Variants in GIGYF2 observed in about 807,000 individuals in gnomAD.
GIGYF2 encodes the protein GRB10-interacting GYF protein 2.
Under a neutral mutation model 208.1 loss-of-function variants are expected in GIGYF2, and 25 were observed. The ratio of observed to expected loss-of-function variants is 0.12; its 90% CI spans 0.09 to 0.17. GIGYF2 has a LOEUF of 0.17. Ranked by LOEUF, GIGYF2 falls within the 10% of genes least tolerant of loss-of-function variation. The pLI, the probability that GIGYF2 is intolerant of heterozygous loss-of-function variation, is 1.00. For missense variants in GIGYF2, 1,302 were observed against 1,579.4 expected, an observed-to-expected ratio of 0.82 and a Z score of 2.98; for synonymous variants, 534 against 543.8, an observed-to-expected ratio of 0.98 and a Z score of 0.25.
At chr2:232,743,916 C>T (rs905827522) in intron 3 of GIGYF2, among the ~76,000 whole-genome samples, 12 of 152,150 alleles carry the variant, frequency 7.9e-5, no homozygotes, top group Non-Finnish European at 1.5e-4. Context: ...GCGATCATGG[C>T]TCACTGCAGC....
At chr2:232,791,877 G>T (rs1302430870) in intron 12 of GIGYF2, among the ~76,000 whole-genome samples, 6 of 152,194 alleles carry the variant, frequency 3.9e-5, no homozygotes, top group African/African-American at 1.4e-4. Flanking sequence ...ATGTGAATCT[G>T]TGGCAGAATA....
chr2:232,735,420 CTTAA>C, intron 3 of GIGYF2, 182 bp downstream of exon 3: 1 of 517,534 alleles, frequency 1.9e-6, no homozygotes, highest in Non-Finnish European at 3.4e-6. Context: ...GTATTCTATA[CTTAA>C]TTAAAATTTT....
At chr2:232,855,096 T>C (rs1319297697) in intron 28 of GIGYF2, among the ~76,000 whole-genome samples, 1 of 130,436 alleles carries the variant, frequency 7.7e-6, no homozygotes, top group Non-Finnish European at 1.7e-5. Context: ...TTTTTTTTTT[T>C]TTTTTTTTGA....
intron 21 of GIGYF2, among the ~76,000 whole-genome samples, chr2:232,820,471 T>C (rs1259971554): frequency 6.6e-6 from 1 of 151,648 alleles, no homozygotes; most frequent in African/African-American, 2.4e-5. Context: ...CCTACCACCA[T>C]GCCTGGCTAA....
chr2:232,723,570 C>T (rs1315293820), intron 2 of GIGYF2, among the ~76,000 whole-genome samples: 6 of 149,296 alleles, frequency 4.0e-5, no homozygotes, highest in Non-Finnish European at 5.9e-5. Context: ...GCTGGGAGTA[C>T]AGGTGCACGC....
At chr2:232,808,716 C>T (rs1401636092) in intron 15 of GIGYF2, among the ~76,000 whole-genome samples, 29 of 152,062 alleles carry the variant, frequency 1.9e-4, no homozygotes, top group Admixed American at 1.9e-3. Context: ...CATACTTACA[C>T]TTTTACTTCT....
chr2:232,738,980 G>GT (rs950479698), intron 3 of GIGYF2, among the ~76,000 whole-genome samples: 19 of 152,202 alleles, frequency 1.2e-4, no homozygotes, highest in African/African-American at 4.3e-4. Context: ...GTCTTTTAGA[G>GT]TTTTTTTGTT....
At chr2:232,726,084 G>T (rs1448226348) in intron 2 of GIGYF2, among the ~76,000 whole-genome samples, 2 of 152,104 alleles carry the variant, frequency 1.3e-5, no homozygotes, top group Non-Finnish European at 2.9e-5. Context: ...ATGAGGCTGG[G>T]CGCCGTGGCC....
chr2:232,753,324 A>G (rs572492107), intron 5 of GIGYF2, among the ~76,000 whole-genome samples: 6 of 151,714 alleles, frequency 4.0e-5, no homozygotes, highest in African/African-American at 7.3e-5. Flanking sequence ...GGGTTTCACC[A>G]TGTTGGCCAG....
At chr2:232,713,199 C>T (rs1444399549) in intron 2 of GIGYF2, among the ~76,000 whole-genome samples, 2 of 152,018 alleles carry the variant, frequency 1.3e-5, no homozygotes, top group African/African-American at 4.8e-5. Flanking sequence ...CCTCAGCCTC[C>T]CGAATAGCTG....
chr2:232,824,664 T>G (rs563399765), intron 21 of GIGYF2, among the ~76,000 whole-genome samples: 1 of 152,242 alleles, frequency 6.6e-6, no homozygotes, highest in Non-Finnish European at 1.5e-5. Flanking sequence ...AGTGCTGATG[T>G]AGAAGCTGCA....
In GIGYF2 at chr2:232,852,834, T is replaced by C. The variant is rs562729563; in HGVS notation, c.3832+2425T>C. ...TAGGCTGTTAGGGAAAAGGTTGCTC[T>C]GAAAATGAGGTCAGACCGTTTGGAC... On this transcript the variant is annotated intron_variant, in intron 28 of 28. Coordinates refer to ENST00000373563, the MANE Select transcript of GIGYF2 (RefSeq NM_001103146.3). Among the ~76,000 whole-genome samples the C allele has an allele frequency of 3.2e-4, 49 of 152,350 alleles. No individual in the cohort carries two copies. In the South Asian group the frequency reaches 9.9e-3, roughly 31 times the overall value.
At chr2:232,705,373 T>A (rs79611416) in intron 2 of GIGYF2, 2 of 152,204 alleles carry the variant, frequency 1.3e-5, no homozygotes, top group African/African-American at 4.8e-5. Context: ...CAAACTTTTT[T>A]AATGGAACAT....
chr2:232,828,243 T>A (rs188537983), intron 21 of GIGYF2, among the ~76,000 whole-genome samples: 380 of 152,304 alleles, frequency 2.5e-3, no homozygotes, highest in African/African-American at 8.3e-3. Context: ...TGCCTTGGCC[T>A]CCCAAAGTGC....
Position 232,760,570 on chromosome 2 carries a change from G to C in GIGYF2, c.470G>C (p.Arg157Thr). ...CGAGGAGGTGGCAGAGAAATGCATA[G>C]ATCGCAGAGCTGGGAGGAAAGGTAA... Reference protein sequence around the residue: ...FGRGGGREMHRSQSWEERGDR... With the variant: ...FGRGGGREMHTSQSWEERGDR... The change falls in exon 7 of 29, where the codon AGA (arginine) becomes ACA (threonine). Residue 157 changes from arginine to threonine, a missense_variant. Arg to Thr is a moderately conservative substitution (Grantham distance 71). Around this residue, in one of 8 missense-constraint regions of GIGYF2, gnomAD observed 189 missense variants for 257.7 expected, o/e 0.73. Transcript: ENST00000373563. 6.2e-7 allele frequency: 1 copy of C among 1,610,742 alleles called. No individual in the cohort carries two copies. Among genetic ancestry groups the C allele is most frequent in the Non-Finnish European group, 8.5e-7 (1 of 1,177,120 alleles).
At chr2:232,707,257 G>A (rs1161970350) in intron 2 of GIGYF2, among the ~76,000 whole-genome samples, 1 of 152,078 alleles carries the variant, frequency 6.6e-6, no homozygotes, top group East Asian at 1.9e-4. Flanking sequence ...ATTCTCCTGG[G>A]CCAGGAGGAA....
intron 5 of GIGYF2, among the ~76,000 whole-genome samples, chr2:232,751,669 G>A (rs1698340926): frequency 6.6e-6 from 1 of 151,886 alleles, no homozygotes; most frequent in East Asian, 1.9e-4. Context: ...ATTTCTTAGA[G>A]ACTAAATATA....
chr2:232,730,897 C>CAAAA (rs34491260), intron 2 of GIGYF2, among the ~76,000 whole-genome samples: 26 of 51,568 alleles, frequency 5.0e-4, no homozygotes, highest in Admixed American at 9.9e-4. Context: ...GACTCCGTCT[C>CAAAA]AAAAAAAAAA....
intron 5 of GIGYF2, among the ~76,000 whole-genome samples, chr2:232,751,430 G>C (rs540082223): frequency 6.6e-6 from 1 of 151,896 alleles, no homozygotes. Context: ...GGTCAGGCTG[G>C]TCTCAAACTT....
Sources: allele counts gnomAD v4.1 joint callset (sites outside exome capture counted in the v4.1 genomes callset), GRCh38; gene constraint gnomAD v4.1.1; regional missense constraint gnomAD v4.1.1; transcripts MANE v1.5; gene names NCBI Gene and HGNC (gene_info 2026-07-23, HGNC 2026-07-21).